The following TCP10L variants were observed in gnomAD, a reference collection of about 807,000 sequenced individuals.
The protein encoded by TCP10L is T-complex protein 10A homolog 1.
Under a neutral mutation model 19.2 loss-of-function variants are expected in TCP10L, and 11 were observed. That is an observed-to-expected ratio of 0.57 (90% CI 0.36 to 0.95). The LOEUF is 0.95. TCP10L is among the 40% of genes least tolerant of loss of function. The pLI, the probability that TCP10L is intolerant of heterozygous loss-of-function variation, is 0.01. For missense variants in TCP10L, 247 were observed against 263.9 expected, an observed-to-expected ratio of 0.94 and a Z score of 0.44; for synonymous variants, 96 against 97.2, an observed-to-expected ratio of 0.99 and a Z score of 0.07.
intron 1 of TCP10L, among the ~76,000 whole-genome samples, chr21:32,584,669 G>A (rs980037390): frequency 2.8e-4 from 43 of 152,222 alleles, no homozygotes; most frequent in Middle Eastern, 3.4e-3. Flanking sequence ...AATGTGAATG[G>A]ATGTGAGCGG....
chr21:32,583,626 C>T (rs2038523594), intron 2 of TCP10L, among the ~76,000 whole-genome samples: 1 of 151,102 alleles, frequency 6.6e-6, no homozygotes, highest in Non-Finnish European at 1.5e-5. Context: ...TTATGGAAGC[C>T]ACTGCATTTT....
rs2038500229 is a variant in TCP10L, at chr21:32,582,054, A to G, written c.360+146T>C. 2.3e-6 allele frequency: 2 copies of G among 855,484 alleles called. No homozygotes were observed. The highest frequency in any genetic ancestry group is 1.7e-5 in the African/African-American group (1 of 58,788). 53.0% of individuals were successfully genotyped at this position (855,484 alleles called of 1,614,324 possible). A position where few individuals can be genotyped will look rare whatever the true frequency, so the allele number is the denominator to read the frequency against. On this transcript the variant is annotated intron_variant, in intron 3 of 4. Coordinates refer to ENST00000300258, the MANE Select transcript of TCP10L (RefSeq NM_144659.7). This position sits in a 1 kb window ranked among gnomAD's most constrained non-coding sequence, Gnocchi z 4.2. Reference sequence around the variant, plus strand: ...TCTTATTAATCATTACTTACGGGAAATGGAGTTGATGGAAAGATAGCAACC... The same window carrying G: ...TCTTATTAATCATTACTTACGGGAAGTGGAGTTGATGGAAAGATAGCAACC...
chr21:32,582,074 G>T lies in TCP10L; in HGVS notation c.360+126C>A, dbSNP rs1601125776. 2 of 1,086,228 alleles carry T rather than the reference G, an allele frequency of 1.8e-6. No individual in the cohort carries two copies. Among genetic ancestry groups the T allele is most frequent in the Non-Finnish European group, 2.7e-6 (2 of 742,640 alleles). The allele number at this position is 1,086,228 out of a possible 1,614,324, so 67.3% of individuals were successfully genotyped here. A position where few individuals can be genotyped will look rare whatever the true frequency, so the allele number is the denominator to read the frequency against. The stretch of plus-strand genomic sequence containing the variant: ...GGGAAATGGAGTTGATGGAAAGATA[G>T]CAACCCCTCCCACCACCCGGAGCGT... On this transcript the variant is annotated intron_variant, in intron 3 of 4. Transcript: ENST00000300258. This position sits in a 1 kb window ranked among gnomAD's most constrained non-coding sequence, Gnocchi z 4.2.
chr21:32,574,348 G>A lies in TCP10L; in HGVS notation c.*2426C>T, dbSNP rs1328652269. Among the ~76,000 whole-genome samples, 1 of 152,206 alleles carries A rather than the reference G, an allele frequency of 6.6e-6. No individual in the cohort carries two copies. Among genetic ancestry groups the A allele is most frequent in the Non-Finnish European group, 1.5e-5 (1 of 68,030 alleles). On this transcript the variant is annotated 3_prime_UTR_variant, in exon 5 of 5. Coordinates refer to ENST00000300258, the MANE Select transcript of TCP10L (RefSeq NM_144659.7). ...AATCCTGTTTGACTATGTGCTAAAT[G>A]CAACCAACTTAAATCTATAAAAGAA...
chr21:32,580,598 A>T (rs2038483452), intron 3 of TCP10L, among the ~76,000 whole-genome samples: 1 of 152,046 alleles, frequency 6.6e-6, no homozygotes, highest in Non-Finnish European at 1.5e-5. Context: ...TGCAGCTAGG[A>T]AATGTTAGTA....
intron 4 of TCP10L, chr21:32,577,662 T>A (rs2038450393): frequency 6.6e-6 from 1 of 152,042 alleles, no homozygotes; most frequent in African/African-American, 2.4e-5. Flanking sequence ...GCTGGGAGAA[T>A]GTTCTAAAGA....
At position 32,576,180 on chromosome 21, in the gene TCP10L, G is replaced by T; in HGVS notation, c.*594C>A. The T allele has an allele frequency of 1.6e-6, 2 of 1,219,978 alleles. No homozygotes were observed. Among genetic ancestry groups the T allele is most frequent in the Admixed American group, 2.2e-5 (1 of 45,508 alleles). The allele number at this position is 1,219,978 out of a possible 1,614,324, so 75.6% of individuals were successfully genotyped here. A position where few individuals can be genotyped will look rare whatever the true frequency, so the allele number is the denominator to read the frequency against. The stretch of plus-strand genomic sequence containing the variant: ...GAGAAAGCCCCGCATTTCACGGGGA[G>T]CATAGAAACAGGAGTCCCCAACTCT... On this transcript the variant is annotated 3_prime_UTR_variant, in exon 5 of 5. Coordinates refer to ENST00000300258, the MANE Select transcript of TCP10L (RefSeq NM_144659.7).
chr21:32,581,146 GCA>G (rs2038490071), intron 3 of TCP10L, among the ~76,000 whole-genome samples: 1 of 152,222 alleles, frequency 6.6e-6, no homozygotes, highest in Non-Finnish European at 1.5e-5. Context: ...CGGCAGAAGA[GCA>G]CACCAGCAGA....
rs962701163 is a variant in TCP10L at position 32,578,334 on chromosome 21, G to A, written c.498+360C>T. Among the ~76,000 whole-genome samples the A allele has an allele frequency of 2.0e-5, 3 of 152,200 alleles. No individual in the cohort carries two copies. The highest frequency in any genetic ancestry group is 2.9e-5 in the Non-Finnish European group (2 of 68,032). On this transcript the variant is annotated intron_variant, in intron 4 of 4. Coordinates refer to ENST00000300258, the MANE Select transcript of TCP10L (RefSeq NM_144659.7). This position sits in a 1 kb window ranked among gnomAD's most constrained non-coding sequence, Gnocchi z 4.2. ...CCGCAGTGCAGAAGCAGGGAGCACG[G>A]GAGGCTGCGAGCCCTCAGACTCACG...
intron 2 of TCP10L, among the ~76,000 whole-genome samples, chr21:32,583,446 G>A (rs367723983): frequency 0.025 from 3,739 of 151,676 alleles, 146 homozygotes; most frequent in African/African-American, 0.086. Context: ...AAAATTAGCC[G>A]GGCGTAGTGG....
Position 32,574,538 on chromosome 21 carries a change from G to C in TCP10L, c.*2236C>G, listed in dbSNP as rs2038410048. The C allele has an allele frequency of 6.0e-6, 1 of 167,312 alleles. No individual in the cohort carries two copies. The highest frequency in any genetic ancestry group is 2.4e-5 in the African/African-American group (1 of 41,486). 10.4% of individuals were successfully genotyped at this position (167,312 alleles called of 1,614,324 possible). ...TCTCAGGTCTCCCTCAGGGGAACCT[G>C]GCGGGCCACCCTTGCAGAAGCCACT... On this transcript the variant is annotated 3_prime_UTR_variant, in exon 5 of 5. Coordinates refer to ENST00000300258, the MANE Select transcript of TCP10L (RefSeq NM_144659.7).
chr21:32,577,995 T>C (rs535931933), intron 4 of TCP10L, among the ~76,000 whole-genome samples: 92 of 152,346 alleles, frequency 6.0e-4, no homozygotes, highest in African/African-American at 2.2e-3. Context: ...AACATGTCCT[T>C]AAGGCACAGA....
At chr21:32,583,059 G>A (rs757450854) in intron 2 of TCP10L, among the ~76,000 whole-genome samples, 10 of 94,596 alleles carry the variant, frequency 1.1e-4, no homozygotes, top group Non-Finnish European at 1.8e-4. Flanking sequence ...TTTTGAGACA[G>A]TGTCTTTCTC....
intron 2 of TCP10L, among the ~76,000 whole-genome samples, chr21:32,583,120 C>T (rs1432878562): frequency 6.7e-6 from 1 of 148,936 alleles, no homozygotes; most frequent in Non-Finnish European, 1.5e-5. Flanking sequence ...CTGCAACCTC[C>T]ACTTCCCAGA....
chr21:32,584,967 C>T (rs908388322), intron 1 of TCP10L, among the ~76,000 whole-genome samples: 2 of 152,140 alleles, frequency 1.3e-5, no homozygotes, highest in African/African-American at 2.4e-5. Flanking sequence ...AGAACAAAAA[C>T]GAAAGAGAAA....
Position 32,582,647 on chromosome 21 carries a change from C to T in TCP10L, c.145-232G>A, listed in dbSNP as rs1039449776. Reference sequence around the variant, plus strand: ...TCACTCAGTCACTCAGGCTGGAGTGCAGTGGCATGATCTCAGCTCACTGAA... The same window carrying T: ...TCACTCAGTCACTCAGGCTGGAGTGTAGTGGCATGATCTCAGCTCACTGAA... On this transcript the variant is annotated intron_variant, in intron 2 of 4. Coordinates refer to ENST00000300258, the MANE Select transcript of TCP10L (RefSeq NM_144659.7). The surrounding 1 kb of genome is among the most constrained non-coding windows in gnomAD (Gnocchi z 4.2). Among the ~76,000 whole-genome samples, 6 of 152,000 alleles carry T rather than the reference C, an allele frequency of 3.9e-5. No individual in the cohort carries two copies. The highest frequency in any genetic ancestry group is 1.5e-4 in the African/African-American group (6 of 41,368).
intron 3 of TCP10L, among the ~76,000 whole-genome samples, chr21:32,581,802 C>T (rs1043458639): frequency 2.0e-5 from 3 of 152,160 alleles, no homozygotes; most frequent in South Asian, 4.1e-4. Flanking sequence ...TTCTCCAGCC[C>T]GTGGCCACGA....
Position 32,584,144 on chromosome 21 carries a change from C to T in TCP10L, c.144+17G>A. On this transcript the variant is annotated intron_variant, in intron 2 of 4. Coordinates refer to ENST00000300258, the MANE Select transcript of TCP10L (RefSeq NM_144659.7). ...CGCCTGGTGGGACTAACTCTGTCCC[C>T]ACAGAGCTCAACTCACTGGCATCTC... 1.2e-6 allele frequency: 2 copies of T among 1,606,086 alleles called. No homozygotes were observed. Among genetic ancestry groups the T allele is most frequent in the Non-Finnish European group, 1.7e-6 (2 of 1,174,660 alleles).
chr21:32,575,988 T>A lies in TCP10L; in HGVS notation c.*786A>T, dbSNP rs539067974. 7 of 281,708 alleles carry A rather than the reference T, an allele frequency of 2.5e-5. No homozygotes were observed. The South Asian group carries it at 5.1e-4, about 21-fold the overall frequency. 17.5% of individuals were successfully genotyped at this position (281,708 alleles called of 1,614,324 possible). On this transcript the variant is annotated 3_prime_UTR_variant, in exon 5 of 5. Transcript: ENST00000300258. ...ATTCGGAATCTCCAGTCACGGCCCC[T>A]GGAGACCGGCATGTGGGCTGTGTGT...
Sources: allele counts gnomAD v4.1 joint callset (sites outside exome capture counted in the v4.1 genomes callset), GRCh38; gene constraint gnomAD v4.1.1; non-coding constraint Gnocchi (gnomAD v3.1); transcripts MANE v1.5; gene names NCBI Gene and HGNC (gene_info 2026-07-23, HGNC 2026-07-21).